PCNT: variants seen among roughly 807,000 people sequenced by gnomAD.
PCNT encodes the protein kendrin.
Under a neutral mutation model 380.4 loss-of-function variants are expected in PCNT, and 319 were observed. That is an observed-to-expected ratio of 0.84 (90% CI 0.77 to 0.92). The LOEUF (loss-of-function observed/expected upper bound fraction) is 0.92, where lower values mean the gene tolerates loss of function less well. Ranked by LOEUF, PCNT falls within the 40% of genes least tolerant of loss-of-function variation. PCNT has a pLI of 0.00. For missense variants in PCNT, 4,400 were observed against 4,255.3 expected (o/e 1.03, Z -0.95); for synonymous variants, 1,845 against 1,735.2 (o/e 1.06, Z -1.57).
At chr21:46,445,243 C>A in intron 46 of PCNT, 41 bp from the exon 47 acceptor site, 3 of 1,396,554 alleles carry the variant, frequency 2.1e-6, no homozygotes, top group Admixed American at 3.3e-5. Context: ...ATCTGTGAAG[C>A]CTTGTAACCA....
intron 15 of PCNT, among the ~76,000 whole-genome samples, chr21:46,380,589 A>G (rs1034795556): frequency 6.6e-6 from 1 of 151,832 alleles, no homozygotes; most frequent in African/African-American, 2.4e-5. Flanking sequence ...CCCCCACCCC[A>G]CCCCAGCAGC....
Position 46,397,340 on chromosome 21 carries a change from C to T in PCNT, c.4292C>T (p.Ala1431Val). 6.2e-7 allele frequency: 1 copy of T among 1,614,072 alleles called. No individual in the cohort carries two copies. Among genetic ancestry groups the T allele is most frequent in the Non-Finnish European group, 8.5e-7 (1 of 1,179,992 alleles). Residue 1431 changes from alanine to valine, a missense_variant, in exon 22 of 47, where the codon GCC (alanine) becomes GTC (valine). Transcript: ENST00000359568. ...AAGCAGGCTGAGAAGGACCGCTCAG[C>T]CCTGCTCTCCCAGATGAAGATTTTG... ...TRKQAEKDRS[A>V]LLSQMKILES...
Position 46,365,337 on chromosome 21 carries a change from A to ATTCACTGCCG in PCNT, c.2610-1246_2610-1245insTCACTGCCGT, listed in dbSNP as rs1569204238. ...CTGCCATGGGGTTCTATTCACTGCC[A>ATTCACTGCCG]TGGGGTTCTATTCACTGCCGTGGGG... On this transcript the variant is annotated intron_variant, in intron 14 of 46. Coordinates refer to ENST00000359568, the MANE Select transcript of PCNT (RefSeq NM_006031.6). 1.8e-4 allele frequency among the ~76,000 whole-genome samples: 14 copies of ATTCACTGCCG among 78,162 alleles called. 2 individuals are homozygous for ATTCACTGCCG. Among genetic ancestry groups the ATTCACTGCCG allele is most frequent in the African/African-American group, 5.2e-4 (12 of 22,966 alleles). The allele number at this position is 78,162 out of a possible 152,430, so 51.3% of individuals were successfully genotyped here. A position where few individuals can be genotyped will look rare whatever the true frequency, so the allele number is the denominator to read the frequency against.
At chr21:46,402,672 G>A (rs2086469062) in intron 27 of PCNT, among the ~76,000 whole-genome samples, 189 bp downstream of exon 27, 1 of 152,168 alleles carries the variant, frequency 6.6e-6, no homozygotes, top group Non-Finnish European at 1.5e-5. Context: ...GCTTTCTAGG[G>A]ATCTTGAGTG....
intron 2 of PCNT, among the ~76,000 whole-genome samples, 174 bp downstream of exon 2, chr21:46,326,763 C>T (rs1414750929): frequency 1.3e-5 from 2 of 152,140 alleles, no homozygotes; most frequent in Admixed American, 6.5e-5. Flanking sequence ...CCTGTAATCC[C>T]CGCACTTTGG....
chr21:46,373,594 A>G (rs1262121404), intron 15 of PCNT, among the ~76,000 whole-genome samples: 1 of 143,212 alleles, frequency 7.0e-6, no homozygotes, highest in Non-Finnish European at 1.5e-5. Flanking sequence ...ACCATGCCTA[A>G]TATTTGTATT....
At chr21:46,332,127 T>C (rs2083579317) in intron 2 of PCNT, among the ~76,000 whole-genome samples, 1 of 152,074 alleles carries the variant, frequency 6.6e-6, no homozygotes, top group Non-Finnish European at 1.5e-5. Context: ...GCCATTGCAC[T>C]CCAGCCTGGA....
chr21:46,436,819 C>G (rs1270329575), intron 39 of PCNT, among the ~76,000 whole-genome samples, 160 bp from the exon 40 acceptor site: 1 of 152,180 alleles, frequency 6.6e-6, no homozygotes, highest in African/African-American at 2.4e-5. Context: ...CTGTTGCCCC[C>G]GTGGGCCCCT....
rs2085816714 is a variant in PCNT at position 46,385,949 on chromosome 21, C to G, written c.3430C>G (p.Leu1144Val). 1 of 1,614,192 alleles carries G rather than the reference C, an allele frequency of 6.2e-7. No individual in the cohort carries two copies. Among genetic ancestry groups the G allele is most frequent in the East Asian group, 2.2e-5 (1 of 44,866 alleles). ...NREGANLLSM[L>V]KADVNLSHSE... The stretch of plus-strand genomic sequence containing the variant: ...GGAAGGCGCAAACCTCCTCTCCATG[C>G]TCAAGGCCGACGTCAACCTGTCCCA... The change falls in exon 17 of 47, where the codon CTC becomes GTC. Residue 1144 changes from leucine (L) to valine (V), a missense_variant. Coordinates refer to ENST00000359568, the MANE Select transcript of PCNT (RefSeq NM_006031.6).
Position 46,411,344 on chromosome 21 carries a change from G to T in PCNT, c.5271G>T (p.Gly1757=). ...TGCAGCACGAGCTGTCCCTCATGGG[G>T]CCTGTGGTGCACGAAGTCAGCGACA... The part of the protein sequence containing the change: ...EKLQHELSLM[G]PVVHEVSDSQ... Residue 1757 remains glycine, a synonymous_variant, in exon 28 of 47, where the codon GGG becomes GGT. Transcript: ENST00000359568. 6.2e-7 allele frequency: 1 copy of T among 1,614,178 alleles called. No homozygotes were observed. The highest frequency in any genetic ancestry group is 1.1e-5 in the South Asian group (1 of 91,090).
intron 15 of PCNT, among the ~76,000 whole-genome samples, chr21:46,377,163 C>T (rs73377333): frequency 0.02 from 3,043 of 152,324 alleles, 111 homozygotes; most frequent in African/African-American, 0.069. Flanking sequence ...GCCCCAGTTA[C>T]TTCAGAAAAG....
At chr21:46,336,045 C>T (rs886070416) in intron 3 of PCNT, among the ~76,000 whole-genome samples, 4 of 149,510 alleles carry the variant, frequency 2.7e-5, no homozygotes, top group South Asian at 2.2e-4. Flanking sequence ...GGCGCGATCT[C>T]GGCTCACTGC....
At chr21:46,424,601 A>C (rs1319901504) in intron 32 of PCNT, among the ~76,000 whole-genome samples, 1 of 152,226 alleles carries the variant, frequency 6.6e-6, no homozygotes, top group Non-Finnish European at 1.5e-5. Flanking sequence ...TACAGAATCT[A>C]GAAAAGCATA....
intron 21 of PCNT, among the ~76,000 whole-genome samples, chr21:46,393,227 C>T (rs1404558584): frequency 6.6e-6 from 1 of 152,224 alleles, no homozygotes; most frequent in Non-Finnish European, 1.5e-5. Context: ...CAGGTCCCTT[C>T]CTCCACCAGT....
chr21:46,414,051 G>C (rs1268774196), intron 29 of PCNT, among the ~76,000 whole-genome samples: 1 of 151,206 alleles, frequency 6.6e-6, no homozygotes, highest in Non-Finnish European at 1.5e-5. Context: ...GAGTGCAGTG[G>C]CACGATCTCA....
intron 40 of PCNT, 43 bp from the exon 41 acceptor site, chr21:46,438,121 C>T (rs1406201140): frequency 6.6e-7 from 1 of 1,518,132 alleles, no homozygotes; most frequent in Non-Finnish European, 9.1e-7. Context: ...TGTTCATGCC[C>T]TTTAACAACA....
intron 1 of PCNT, among the ~76,000 whole-genome samples, chr21:46,324,669 G>T (rs2146197819): frequency 6.6e-6 from 1 of 151,974 alleles, no homozygotes; most frequent in African/African-American, 2.4e-5. Context: ...GGTGGGGCGC[G>T]GCAGGCGCTG....
chr21:46,432,857 GT>G (rs1222610423), intron 38 of PCNT, among the ~76,000 whole-genome samples: 7 of 152,206 alleles, frequency 4.6e-5, no homozygotes, highest in African/African-American at 1.7e-4. Flanking sequence ...CTGACCTCAG[GT>G]GATCCGCCCG....
Position 46,416,154 on chromosome 21 carries a change from G to A in PCNT, c.6236G>A (p.Arg2079His), listed in dbSNP as rs761199938. ...QVKQLQEKLN[R>H]LLYSMTFQNV... ...AAACAGCTTCAGGAAAAACTGAACC[G>A]TTTGCTGTATTCCATGACCTTCCAG... Residue 2079 changes from arginine to histidine, a missense_variant, in exon 30 of 47, where the codon CGT becomes CAT. Coordinates refer to ENST00000359568, the MANE Select transcript of PCNT (RefSeq NM_006031.6). 23 of 1,614,060 alleles carry A rather than the reference G, an allele frequency of 1.4e-5. No individual in the cohort carries two copies. The highest frequency in any genetic ancestry group is 1.6e-4 in the Middle Eastern group (1 of 6,084).
Sources: gnomAD v4.1 joint callset for allele counts (sites outside exome capture counted in the v4.1 genomes callset) on GRCh38, gnomAD v4.1.1 for gene constraint, MANE v1.5 for transcripts, NCBI Gene and HGNC (gene_info 2026-07-23, HGNC 2026-07-21) for gene names.